Variants in SLC9C1 observed in about 807,000 individuals in gnomAD.
SLC9C1 encodes sodium/hydrogen exchanger 10.
A neutral mutation model predicts 140.9 loss-of-function variants in SLC9C1; 97 were observed. The observed-to-expected ratio is 0.69, with a 90% CI of 0.58 to 0.82. The LOEUF (loss-of-function observed/expected upper bound fraction) is 0.82, where lower values mean the gene tolerates loss of function less well. Ranked by LOEUF, SLC9C1 falls within the 40% of genes least tolerant of loss-of-function variation. The pLI, the probability that SLC9C1 is intolerant of heterozygous loss-of-function variation, is 0.00. For synonymous variants in SLC9C1, 440 were observed against 442.6 expected (o/e 0.99, Z 0.07); for missense variants, 1,340 against 1,389.3 (o/e 0.96, Z 0.56).
At chr3:112,212,001 G>A (rs2078221799) in intron 15 of SLC9C1, among the ~76,000 whole-genome samples, 1 of 152,224 alleles carries the variant, frequency 6.6e-6, no homozygotes, top group African/African-American at 2.4e-5. Flanking sequence ...AACCCTCTGA[G>A]ATGAAACATC....
At chr3:112,282,286 G>T (rs2080379026) in intron 2 of SLC9C1, among the ~76,000 whole-genome samples, 1 of 152,192 alleles carries the variant, frequency 6.6e-6, no homozygotes, top group South Asian at 2.1e-4. Flanking sequence ...TGGTTACCAA[G>T]ATACAGAAAT....
At chr3:112,153,012 CT>C (rs2075028555) in intron 27 of SLC9C1, among the ~76,000 whole-genome samples, 1 of 151,962 alleles carries the variant, frequency 6.6e-6, no homozygotes, top group Non-Finnish European at 1.5e-5. Flanking sequence ...CTTTGGTGGA[CT>C]TTTTATTATG....
chr3:112,271,905 AT>A (rs11298383), intron 6 of SLC9C1, among the ~76,000 whole-genome samples: 2,205 of 152,088 alleles, frequency 0.014, 56 homozygotes, highest in African/African-American at 0.05. Flanking sequence ...CTGTACATAC[AT>A]TTTTTTTGTG....
chr3:112,206,284 C>A (rs1162458306), intron 16 of SLC9C1, among the ~76,000 whole-genome samples: 1 of 151,980 alleles, frequency 6.6e-6, no homozygotes, highest in Non-Finnish European at 1.5e-5. Flanking sequence ...AAATGCAAAT[C>A]AAAACCACAG....
Position 112,180,058 on chromosome 3 carries a change from C to CCAT in SLC9C1, c.2749-358_2749-357insATG, listed in dbSNP as rs2077409785. Among the ~76,000 whole-genome samples, 3 of 152,268 alleles carry CCAT rather than the reference C, an allele frequency of 2.0e-5. No individual in the cohort carries two copies. The East Asian group carries it at 5.8e-4, about 29-fold the overall frequency. ...TCCTGTTATCTGTGAGAAAGTATGGCTTTAAAATGATGGATAGTGTTATCC... is the reference window on the plus strand; with the variant it reads ...TCCTGTTATCTGTGAGAAAGTATGGCCATTTTAAAATGATGGATAGTGTTATCC... On this transcript the variant is annotated intron_variant, in intron 22 of 28. Transcript: ENST00000305815.
At chr3:112,259,189 G>T (rs966602282) in intron 10 of SLC9C1, among the ~76,000 whole-genome samples, 1 of 152,024 alleles carries the variant, frequency 6.6e-6, no homozygotes, top group Non-Finnish European at 1.5e-5. Flanking sequence ...GTAAACTAAC[G>T]CAGGAACAGA....
At chr3:112,159,585 T>C (rs1042683206) in intron 26 of SLC9C1, among the ~76,000 whole-genome samples, 4 of 152,088 alleles carry the variant, frequency 2.6e-5, no homozygotes, top group Non-Finnish European at 2.9e-5. Context: ...TCATTTGGTG[T>C]AGGGTCTAGT....
intron 10 of SLC9C1, among the ~76,000 whole-genome samples, chr3:112,250,472 C>T (rs2079422896): frequency 7.2e-6 from 1 of 138,956 alleles, no homozygotes; most frequent in Non-Finnish European, 1.6e-5. Flanking sequence ...GTTCTAGGTC[C>T]CTGAGGAATC....
At position 112,146,208 on chromosome 3, in the gene SLC9C1, T is replaced by A. The variant is rs574961140; in HGVS notation, c.3525-4927A>T. On this transcript the variant is annotated intron_variant, in intron 28 of 28. Coordinates refer to ENST00000305815, the MANE Select transcript of SLC9C1 (RefSeq NM_183061.3). ...GATTGTGTGTATTTGGAGCTTTCTT[T>A]TTTTTTTTAATCTAGCTAGTGATCT... 2.0e-5 allele frequency among the ~76,000 whole-genome samples: 3 copies of A among 152,158 alleles called. No individual in the cohort carries two copies. In the East Asian group the frequency reaches 5.8e-4, roughly 29 times the overall value.
intron 13 of SLC9C1, among the ~76,000 whole-genome samples, chr3:112,229,487 A>G (rs1355002800): frequency 6.6e-6 from 1 of 152,134 alleles, no homozygotes; most frequent in Non-Finnish European, 1.5e-5. Flanking sequence ...AGCAATAAAA[A>G]TTACCCTCTT....
chr3:112,231,187 C>T (rs1176696129), intron 13 of SLC9C1, among the ~76,000 whole-genome samples, 174 bp downstream of exon 13: 32 of 113,142 alleles, frequency 2.8e-4, no homozygotes, highest in Admixed American at 8.5e-4. Flanking sequence ...TCTTTCTTTC[C>T]TCTCTCTCTT....
At chr3:112,212,578 A>G (rs2078239617) in intron 15 of SLC9C1, among the ~76,000 whole-genome samples, 1 of 152,242 alleles carries the variant, frequency 6.6e-6, no homozygotes, top group Non-Finnish European at 1.5e-5. Context: ...TCAGTAGCCA[A>G]TTAGATCAAC....
At chr3:112,229,136 A>T (rs1004019727) in intron 13 of SLC9C1, among the ~76,000 whole-genome samples, 2 of 152,078 alleles carry the variant, frequency 1.3e-5, no homozygotes, top group African/African-American at 4.8e-5. Flanking sequence ...ACCTCATAGA[A>T]GTAGAGTAGA....
chr3:112,176,363 GT>G lies in SLC9C1; in HGVS notation c.2919+3167del, dbSNP rs1347356045. ...CCAATGTGTGTACCTGGATGTTTCAGTTGAAAGTGCTATGTTTACTTGCCCC... is the reference window on the plus strand; with the variant it reads ...CCAATGTGTGTACCTGGATGTTTCAGTGAAAGTGCTATGTTTACTTGCCCC... On this transcript the variant is annotated intron_variant, in intron 23 of 28. Transcript: ENST00000305815. 2.6e-5 allele frequency among the ~76,000 whole-genome samples: 4 copies of G among 152,190 alleles called. No homozygotes were observed. In the East Asian group the frequency reaches 7.7e-4, roughly 29 times the overall value.
chr3:112,251,892 A>C (rs1397352836), intron 10 of SLC9C1, among the ~76,000 whole-genome samples: 1 of 152,144 alleles, frequency 6.6e-6, no homozygotes, highest in Non-Finnish European at 1.5e-5. Flanking sequence ...AGCCCCCTGA[A>C]TCATCTCCTT....
intron 20 of SLC9C1, among the ~76,000 whole-genome samples, chr3:112,192,412 T>C (rs2077682229): frequency 6.6e-6 from 1 of 152,242 alleles, no homozygotes; most frequent in African/African-American, 2.4e-5. Context: ...TTCATCTATA[T>C]TGTAGTATAT....
intron 15 of SLC9C1, among the ~76,000 whole-genome samples, chr3:112,211,706 G>A (rs562626095): frequency 1.3e-3 from 201 of 152,320 alleles, no homozygotes; most frequent in African/African-American, 3.5e-3. Flanking sequence ...TAAAGTGGCC[G>A]GGAGGCTCAA....
intron 20 of SLC9C1, chr3:112,185,581 G>A: frequency 3.1e-6 from 5 of 1,609,250 alleles, no homozygotes; most frequent in Middle Eastern, 1.7e-4. Context: ...ACCTGTGCCC[G>A]GGGTCCCAGG....
In SLC9C1 at chr3:112,231,422, T is replaced by A; in HGVS notation, c.1511A>T (p.Asp504Val). 1 of 1,613,408 alleles carries A rather than the reference T, an allele frequency of 6.2e-7. No homozygotes were observed. The highest frequency in any genetic ancestry group is 1.1e-5 in the South Asian group (1 of 91,014). ...VKCPHCNKEI[D>V]EIFNTEAMEL... ...CATTGCTTCAGTGTTAAAGATCTCA[T>A]CTATTTCCTTGTTACAGTGTGGACA... Residue 504 changes from aspartate to valine, a missense_variant, in exon 13 of 29, where the codon GAT (aspartate) becomes GTT (valine). Coordinates refer to ENST00000305815, the MANE Select transcript of SLC9C1 (RefSeq NM_183061.3).
Sources: allele counts gnomAD v4.1 joint callset (sites outside exome capture counted in the v4.1 genomes callset), GRCh38; gene constraint gnomAD v4.1.1; transcripts MANE v1.5; gene names NCBI Gene and HGNC (gene_info 2026-07-23, HGNC 2026-07-21).